The following RUNX1T1 variants were observed in gnomAD, a reference collection of about 807,000 sequenced individuals.
RUNX1T1 encodes the protein protein CBFA2T1.
Under a neutral mutation model 62.8 loss-of-function variants are expected in RUNX1T1, and 4 were observed. The observed-to-expected ratio is 0.06, with a 90% CI of 0.03 to 0.15. The LOEUF (loss-of-function observed/expected upper bound fraction) is 0.15. Among genes scored for constraint, RUNX1T1 ranks in the 10% least tolerant of loss-of-function variants. The probability of loss-of-function intolerance (pLI) is 1.00; values close to 1 mark genes in which losing one functional copy is unlikely to be tolerated. For synonymous variants in RUNX1T1, 291 were observed against 286.0 expected (o/e 1.02, Z -0.18); for missense variants, 508 against 754.3 (o/e 0.67, Z 3.82).
intron 1 of RUNX1T1, among the ~76,000 whole-genome samples, chr8:92,021,244 G>T (rs890500998): frequency 6.6e-6 from 1 of 152,198 alleles, no homozygotes; most frequent in Non-Finnish European, 1.5e-5. Flanking sequence ...GAAGAAGGAA[G>T]CTAGAGAGGC....
At chr8:92,019,139 T>A (rs1029422064) in intron 1 of RUNX1T1, 1 of 152,082 alleles carries the variant, frequency 6.6e-6, no homozygotes, top group Non-Finnish European at 1.5e-5. Context: ...TCAACCAACC[T>A]CAGCAACAAG....
chr8:91,991,623 G>T lies in RUNX1T1; in HGVS notation c.910+16C>A, dbSNP rs1322106826. ...CACCCAATCCCGTAAGAAGTGAACA[G>T]GTCCTTCAGTCTTACCCATAGGTCT... On this transcript the variant is annotated intron_variant, in intron 6 of 10. Transcript: ENST00000396218. The T allele has an allele frequency of 1.2e-5, 20 of 1,608,646 alleles. No homozygotes were observed. The highest frequency in any genetic ancestry group is 2.2e-5 in the South Asian group (2 of 90,872).
chr8:92,095,060 T>C, intron 1 of RUNX1T1: 1 of 1,535,598 alleles, frequency 6.5e-7, no homozygotes, highest in Non-Finnish European at 8.7e-7. Context: ...GCAGAGGTGA[T>C]GGGAGATAGC....
In RUNX1T1 at chr8:91,960,526, G is replaced by A. The variant is rs551179624; in HGVS notation, c.1459-9C>T. 10 of 1,612,872 alleles carry A rather than the reference G, an allele frequency of 6.2e-6. No homozygotes were observed. The highest frequency in any genetic ancestry group is 3.3e-5 in the Admixed American group (2 of 59,988). ...CCACAATTCCAGCAACTCTAAAGGA[G>A]AAGGCAGAAGAAAGCAAGATCCCAA... On this transcript the variant is annotated splice_polypyrimidine_tract_variant and intron_variant, in intron 10 of 10. Coordinates refer to ENST00000396218, the Ensembl canonical transcript of RUNX1T1.
chr8:92,024,427 T>G (rs1824729650), intron 1 of RUNX1T1, among the ~76,000 whole-genome samples: 1 of 140,304 alleles, frequency 7.1e-6, no homozygotes, highest in Non-Finnish European at 1.5e-5. Context: ...GAAAATTTTT[T>G]GAGCCTGGGA....
intron 3 of RUNX1T1, among the ~76,000 whole-genome samples, chr8:92,013,897 T>G (rs1347022467): frequency 6.6e-6 from 1 of 152,136 alleles, no homozygotes; most frequent in Non-Finnish European, 1.5e-5. Context: ...TACTGTTTTA[T>G]GAATACAGAA....
intron 1 of RUNX1T1, among the ~76,000 whole-genome samples, chr8:92,033,118 C>A (rs1007313793): frequency 6.6e-6 from 1 of 152,060 alleles, no homozygotes; most frequent in South Asian, 2.1e-4. Context: ...TACACAAATT[C>A]CACTCTTTGG....
At chr8:92,051,072 T>TA (rs1830157990) in intron 1 of RUNX1T1, among the ~76,000 whole-genome samples, 1 of 152,180 alleles carries the variant, frequency 6.6e-6, no homozygotes, top group Admixed American at 6.5e-5. Context: ...CCTTTTTTTT[T>TA]ATTGTACTTA....
chr8:91,986,840 T>C (rs757096096), intron 7 of RUNX1T1, 47 bp downstream of exon 8: 5 of 1,242,454 alleles, frequency 4.0e-6, no homozygotes, highest in South Asian at 2.4e-5. Context: ...CTCACTCCAG[T>C]TGTTTTCCAA....
intron 1 of RUNX1T1, among the ~76,000 whole-genome samples, chr8:92,054,247 A>G (rs1830669682): frequency 1.3e-5 from 2 of 152,142 alleles, no homozygotes; most frequent in South Asian, 4.1e-4. Context: ...GATGTGTAAA[A>G]GGGTGGCACA....
intron 3 of RUNX1T1, among the ~76,000 whole-genome samples, chr8:92,012,511 A>G (rs74404192): frequency 6.6e-6 from 1 of 152,142 alleles, no homozygotes; most frequent in Non-Finnish European, 1.5e-5. Context: ...TGGGTGACAG[A>G]GAACGGGTAT....
chr8:92,038,450 G>A (rs1827827846), intron 1 of RUNX1T1, among the ~76,000 whole-genome samples: 1 of 152,098 alleles, frequency 6.6e-6, no homozygotes, highest in African/African-American at 2.4e-5. Flanking sequence ...GAAACACAAA[G>A]GGAGGGTGAA....
At chr8:91,981,032 A>G (rs535626692) in intron 8 of RUNX1T1, among the ~76,000 whole-genome samples, 2 of 152,276 alleles carry the variant, frequency 1.3e-5, no homozygotes, top group South Asian at 4.1e-4. Flanking sequence ...CACTTCTACT[A>G]TGTGTCAGGC....
At chr8:91,969,555 T>C (rs1158084470) in intron 10 of RUNX1T1, among the ~76,000 whole-genome samples, 1 of 152,256 alleles carries the variant, frequency 6.6e-6, no homozygotes, top group African/African-American at 2.4e-5. Flanking sequence ...ATGTCTAGTT[T>C]AATTGAACAA....
Position 92,017,697 on chromosome 8 carries a change from T to G in RUNX1T1, c.8-334A>C, listed in dbSNP as rs1823289352. 6 of 1,194,562 alleles carry G rather than the reference T, an allele frequency of 5.0e-6. No homozygotes were observed. In the South Asian group the frequency reaches 1.1e-4, roughly 22 times the overall value. The allele number at this position is 1,194,562 out of a possible 1,614,324, so 74.0% of individuals were successfully genotyped here. On this transcript the variant is annotated intron_variant, in intron 1 of 10. Transcript: ENST00000396218. The stretch of plus-strand genomic sequence containing the variant: ...ATGTTAGCAAGAGGTAGAAAATAGA[T>G]GAGGAAGTGGGATGATAATGAACCC...
rs545863891 is a variant in RUNX1T1 at position 92,059,278 on chromosome 8, G to A, written c.7+3268C>T. On this transcript the variant is annotated intron_variant, in intron 1 of 10. Transcript: ENST00000396218. ...AGAGTGTCAGTGAATGGACTGCTGT[G>A]AGTGTTTTTATTCTTGCATAATAGC... Among the ~76,000 whole-genome samples the A allele has an allele frequency of 2.0e-5, 3 of 152,228 alleles. No individual in the cohort carries two copies. In the East Asian group the frequency reaches 5.8e-4, roughly 29 times the overall value.
At chr8:92,006,267 T>C (rs1820753028) in intron 4 of RUNX1T1, 1 of 152,164 alleles carries the variant, frequency 6.6e-6, no homozygotes. Flanking sequence ...TTTCTCTTAT[T>C]TTTATTATTG....
upstream of RUNX1T1, among the ~76,000 whole-genome samples, chr8:92,065,576 T>A (rs1348718509): frequency 6.6e-6 from 1 of 152,228 alleles, no homozygotes; most frequent in African/African-American, 2.4e-5. Context: ...ATACATAAGT[T>A]GTTTTCTGAC....
At chr8:92,091,324 T>C (rs1836973174) in intron 1 of RUNX1T1, among the ~76,000 whole-genome samples, 2 of 152,252 alleles carry the variant, frequency 1.3e-5, no homozygotes, top group Admixed American at 6.5e-5. Flanking sequence ...TTAAAGGAGA[T>C]GATTTTAAGT....
Sources: gnomAD v4.1 joint callset for allele counts (sites outside exome capture counted in the v4.1 genomes callset) on GRCh38, gnomAD v4.1.1 for gene constraint, MANE v1.5 for transcripts, NCBI Gene and HGNC (gene_info 2026-07-23, HGNC 2026-07-21) for gene names.